The following EIF4G3 variants were observed in gnomAD, a reference collection of about 807,000 sequenced individuals.
The protein encoded by EIF4G3 is eukaryotic translation initiation factor 4 gamma 3.
EIF4G3 carries 34 observed loss-of-function variants against 186.4 expected under a neutral mutation model. The observed-to-expected ratio is 0.18, with a 90% CI of 0.14 to 0.24. EIF4G3 has a LOEUF of 0.24. EIF4G3 is among the 10% of genes least tolerant of loss of function. The probability of loss-of-function intolerance (pLI) is 1.00; values close to 1 mark genes in which losing one functional copy is unlikely to be tolerated. For missense variants in EIF4G3, 1,536 were observed against 1,948.5 expected, an observed-to-expected ratio of 0.79 and a Z score of 3.99; for synonymous variants, 673 against 679.5, an observed-to-expected ratio of 0.99 and a Z score of 0.15.
At chr1:20,837,978 GC>G (rs761299585) in intron 30 of EIF4G3, among the ~76,000 whole-genome samples, 2 of 152,170 alleles carry the variant, frequency 1.3e-5, no homozygotes, top group Non-Finnish European at 1.5e-5. Flanking sequence ...TCACTGCACT[GC>G]CTCTAGCTGC....
intron 33 of EIF4G3, among the ~76,000 whole-genome samples, chr1:20,820,285 G>A (rs2062010565): frequency 6.6e-6 from 1 of 152,228 alleles, no homozygotes; most frequent in Non-Finnish European, 1.5e-5. Flanking sequence ...AAAAGGGGGA[G>A]CCCTGCCTCT....
intron 2 of EIF4G3, among the ~76,000 whole-genome samples, chr1:21,116,186 T>G (rs755418963): frequency 1.5e-4 from 23 of 152,182 alleles, no homozygotes; most frequent in Non-Finnish European, 2.4e-4. Flanking sequence ...TTTCTCAGAC[T>G]TCAATCCTGT....
intron 12 of EIF4G3, among the ~76,000 whole-genome samples, chr1:20,951,333 G>C (rs2096209862): frequency 6.6e-6 from 1 of 151,942 alleles, no homozygotes; most frequent in Non-Finnish European, 1.5e-5. Context: ...CAGAAATAGG[G>C]AAAATGCTAT....
At chr1:20,968,564 T>G (rs1430664543) in intron 12 of EIF4G3, among the ~76,000 whole-genome samples, 2 of 152,188 alleles carry the variant, frequency 1.3e-5, no homozygotes, top group African/African-American at 4.8e-5. Flanking sequence ...AATATCTTGA[T>G]TTCTAAAAAC....
At chr1:21,038,951 C>G (rs2093403707) in intron 4 of EIF4G3, among the ~76,000 whole-genome samples, 1 of 152,062 alleles carries the variant, frequency 6.6e-6, no homozygotes. Context: ...AAAGCCCATT[C>G]TAAAATTCAT....
At chr1:20,817,694 T>C (rs900386266) in intron 33 of EIF4G3, among the ~76,000 whole-genome samples, 156 bp from the exon 34 acceptor site, 3 of 149,188 alleles carry the variant, frequency 2.0e-5, no homozygotes, top group East Asian at 1.9e-4. Flanking sequence ...TTTTTTTTTT[T>C]TTTTTTTTTG....
rs372405642 is a variant in EIF4G3, at chr1:20,810,913, C to T, written c.4598-29G>A. On this transcript the variant is annotated intron_variant, in intron 35 of 36. Coordinates refer to ENST00000602326, the MANE Select transcript of EIF4G3 (RefSeq NM_001391906.1). The surrounding 1 kb of genome is among the most constrained non-coding windows in gnomAD (Gnocchi z 4.1). ...AAGGTGATAGAAGAACTAGGAATTA[C>T]ATTTAAGGAGTTAACATAGAATTAT... The T allele has an allele frequency of 3.6e-4, 571 of 1,590,848 alleles. 1 individual carries two copies. The highest frequency in any genetic ancestry group is 4.4e-4 in the Non-Finnish European group (517 of 1,164,468).
intron 7 of EIF4G3, among the ~76,000 whole-genome samples, chr1:20,997,361 GA>G (rs75245116): frequency 0.38 from 56,058 of 149,332 alleles, 10,976 homozygotes; most frequent in Non-Finnish European, 0.44. Context: ...TGCTTGGCAA[GA>G]AAAAAAAAAC....
intron 3 of EIF4G3, 131 bp from the exon 4 acceptor site, chr1:21,051,125 C>A: frequency 3.4e-6 from 2 of 582,246 alleles, no homozygotes; most frequent in Non-Finnish European, 3.1e-6. Flanking sequence ...CGAGACTGAA[C>A]AAACACTTAA....
chr1:20,983,097 G>C (rs72652995), intron 7 of EIF4G3, among the ~76,000 whole-genome samples: 7,107 of 152,238 alleles, frequency 0.047, 236 homozygotes, highest in Non-Finnish European at 0.067. Context: ...ACCACCCACA[G>C]ATGGTATAAG....
At chr1:20,825,028 G>C in intron 33 of EIF4G3, 72 bp downstream of exon 33, 2 of 976,702 alleles carry the variant, frequency 2.0e-6, no homozygotes, top group Non-Finnish European at 3.0e-6. Flanking sequence ...GAATACGAAG[G>C]AAATTACCTT....
At chr1:20,920,495 T>C (rs550878781) in intron 14 of EIF4G3, among the ~76,000 whole-genome samples, 1 of 152,236 alleles carries the variant, frequency 6.6e-6, no homozygotes, top group East Asian at 1.9e-4. Context: ...AATAGAATAA[T>C]AGAATATATT....
intron 2 of EIF4G3, among the ~76,000 whole-genome samples, chr1:21,139,546 CA>C (rs2097303611): frequency 1.3e-5 from 2 of 152,154 alleles, no homozygotes; most frequent in South Asian, 4.1e-4. Context: ...AGGTATTGTG[CA>C]AATAACAAGG....
At chr1:20,877,868 A>T (rs1289305430) in intron 20 of EIF4G3, among the ~76,000 whole-genome samples, 1 of 152,148 alleles carries the variant, frequency 6.6e-6, no homozygotes, top group Non-Finnish European at 1.5e-5. Context: ...TTTGAGACAG[A>T]GTCTCACTCT....
chr1:21,138,981 C>T lies in EIF4G3; in HGVS notation c.-272+37194G>A, dbSNP rs372903815. ...CTCACTGCAGCCTTGACCTCCTGGGCTCAAGCAATCCTCCTGCCTTGGCCT... is the reference window on the plus strand; with the variant it reads ...CTCACTGCAGCCTTGACCTCCTGGGTTCAAGCAATCCTCCTGCCTTGGCCT... On this transcript the variant is annotated intron_variant, in intron 2 of 36. Transcript: ENST00000602326. 2.7e-4 allele frequency among the ~76,000 whole-genome samples: 41 copies of T among 152,198 alleles called. 1 individual carries two copies. The South Asian group carries it at 7.9e-3, about 29-fold the overall frequency.
chr1:20,906,001 T>G (rs2091972493), intron 14 of EIF4G3, among the ~76,000 whole-genome samples: 1 of 152,186 alleles, frequency 6.6e-6, no homozygotes, highest in Non-Finnish European at 1.5e-5. Context: ...ACACACTTTT[T>G]GGGGGAACAA....
intron 2 of EIF4G3, chr1:21,111,561 C>A: frequency 3.3e-6 from 1 of 306,036 alleles, no homozygotes; most frequent in Non-Finnish European, 6.5e-6. Flanking sequence ...CAACGGATCT[C>A]CTAACTTCAT....
intron 2 of EIF4G3, among the ~76,000 whole-genome samples, chr1:21,110,363 G>A (rs1242279391): frequency 1.3e-5 from 2 of 150,754 alleles, no homozygotes; most frequent in African/African-American, 2.4e-5. Flanking sequence ...TGACGCAATC[G>A]CGGCTCACTG....
At chr1:21,037,915 C>A (rs563494225) in intron 4 of EIF4G3, among the ~76,000 whole-genome samples, 1 of 152,166 alleles carries the variant, frequency 6.6e-6, no homozygotes, top group African/African-American at 2.4e-5. Context: ...ATTAGCATTA[C>A]CTAGGCTCAT....
Sources: gnomAD v4.1 joint callset for allele counts (sites outside exome capture counted in the v4.1 genomes callset) on GRCh38, gnomAD v4.1.1 for gene constraint, Gnocchi (gnomAD v3.1) non-coding constraint, MANE v1.5 for transcripts, NCBI Gene and HGNC (gene_info 2026-07-23, HGNC 2026-07-21) for gene names.